PCCB: variants seen among roughly 807,000 people sequenced by gnomAD.
The protein encoded by PCCB is propionyl-CoA carboxylase beta chain, mitochondrial.
A neutral mutation model predicts 60.7 loss-of-function variants in PCCB; 43 were observed. The ratio of observed to expected loss-of-function variants is 0.71; its 90% confidence interval spans 0.55 to 0.91. The LOEUF (loss-of-function observed/expected upper bound fraction) is 0.91. Among genes scored for constraint, PCCB ranks in the 40% least tolerant of loss-of-function variants. PCCB has a pLI of 0.00. For synonymous variants in PCCB, 276 were observed against 255.9 expected, an observed-to-expected ratio of 1.08 and a Z score of -0.75; for missense variants, 766 against 702.8, an observed-to-expected ratio of 1.09 and a Z score of -1.02.
chr3:136,264,302 G>T (rs935371888), intron 5 of PCCB, among the ~76,000 whole-genome samples: 2 of 151,468 alleles, frequency 1.3e-5, no homozygotes, highest in African/African-American at 4.9e-5. Context: ...ATTTAACATC[G>T]ATTCATCGAT....
At chr3:136,323,471 T>C (rs1008393067) in intron 10 of PCCB, among the ~76,000 whole-genome samples, 3 of 152,134 alleles carry the variant, frequency 2.0e-5, no homozygotes, top group African/African-American at 4.8e-5. Flanking sequence ...TGTTTTCCTT[T>C]ACCTCTTTGA....
Position 136,293,789 on chromosome 3 carries a change from G to C in PCCB, c.688G>C (p.Val230Leu). 1.2e-6 allele frequency: 2 copies of C among 1,613,434 alleles called. No individual in the cohort carries two copies. The highest frequency in any genetic ancestry group is 1.7e-6 in the Non-Finnish European group (2 of 1,179,428). The stretch of plus-strand genomic sequence containing the variant: ...CTACCTGTTCATCACTGGCCCTGAT[G>C]TTGTGAAGTCTGTCACCAATGAGGA... ...TSYLFITGPD[V>L]VKSVTNEDVT... The change falls in exon 7 of 15, where the codon GTT becomes CTT. Residue 230 changes from valine to leucine, a missense_variant. Val to Leu is a conservative substitution (Grantham distance 32). Transcript: ENST00000251654.
intron 5 of PCCB, among the ~76,000 whole-genome samples, chr3:136,273,064 T>C (rs1942241786): frequency 6.6e-6 from 1 of 152,226 alleles, no homozygotes; most frequent in South Asian, 2.1e-4. Flanking sequence ...TCTTGATTTA[T>C]TGTTAACCCA....
chr3:136,267,998 G>C (rs1272896145), intron 5 of PCCB, among the ~76,000 whole-genome samples: 1 of 134,724 alleles, frequency 7.4e-6, no homozygotes, highest in Admixed American at 7.8e-5. Context: ...CCAGGATGGA[G>C]TGCAATGGCG....
chr3:136,323,610 C>T (rs1935185509), intron 10 of PCCB, among the ~76,000 whole-genome samples: 1 of 151,996 alleles, frequency 6.6e-6, no homozygotes, highest in Admixed American at 6.6e-5. Flanking sequence ...GTGGTGAAAC[C>T]CTGTCCCTAC....
At chr3:136,273,957 T>G (rs1942275623) in intron 5 of PCCB, among the ~76,000 whole-genome samples, 1 of 150,788 alleles carries the variant, frequency 6.6e-6, no homozygotes, top group Non-Finnish European at 1.5e-5. Flanking sequence ...TTCTGCTTGC[T>G]TTTGGTTCCC....
At chr3:136,283,461 C>T (rs944621314) in intron 5 of PCCB, among the ~76,000 whole-genome samples, 4 of 152,108 alleles carry the variant, frequency 2.6e-5, no homozygotes, top group African/African-American at 9.7e-5. Flanking sequence ...GCTCTGCAAA[C>T]TCTGCATGAG....
intron 1 of PCCB, among the ~76,000 whole-genome samples, 169 bp downstream of exon 1, chr3:136,250,727 A>T (rs1447539250): frequency 6.6e-6 from 1 of 152,238 alleles, no homozygotes; most frequent in African/African-American, 2.4e-5. Context: ...GGAGGCGGGT[A>T]TAACCAGCAG....
At chr3:136,279,275 A>G (rs75479442) in intron 5 of PCCB, among the ~76,000 whole-genome samples, 1,961 of 152,220 alleles carry the variant, frequency 0.013, 45 homozygotes, top group African/African-American at 0.045. Flanking sequence ...AGTTTAATCC[A>G]TTTATACTTA....
chr3:136,260,239 A>C, intron 3 of PCCB: 1 of 560,402 alleles, frequency 1.8e-6, no homozygotes, highest in Non-Finnish European at 3.2e-6. Context: ...ATGCGCAGCT[A>C]ACTTTTTTCT....
intron 10 of PCCB, among the ~76,000 whole-genome samples, chr3:136,321,065 A>G (rs774602919): frequency 9.9e-5 from 15 of 152,118 alleles, no homozygotes; most frequent in African/African-American, 2.7e-4. Context: ...TTTTGTGTCA[A>G]TTGAGATGAT....
chr3:136,284,040 T>TA, intron 6 of PCCB, 93 bp downstream of exon 6: 1 of 813,346 alleles, frequency 1.2e-6, no homozygotes, highest in Non-Finnish European at 2.1e-6. Flanking sequence ...TCTAGGTTGT[T>TA]ACCTGCATTC....
chr3:136,276,823 C>G (rs943825509), intron 5 of PCCB, among the ~76,000 whole-genome samples: 1 of 152,230 alleles, frequency 6.6e-6, no homozygotes, highest in African/African-American at 2.4e-5. Flanking sequence ...GCAATTGTGT[C>G]TCTGCTGAAA....
chr3:136,321,957 A>G (rs74511498), intron 10 of PCCB, among the ~76,000 whole-genome samples: 1,544 of 152,210 alleles, frequency 0.01, 47 homozygotes, highest in East Asian at 0.054. Flanking sequence ...CTTCCTTCTC[A>G]ATGTGTATAC....
intron 6 of PCCB, among the ~76,000 whole-genome samples, chr3:136,286,969 T>C (rs1933440598): frequency 6.6e-6 from 1 of 151,130 alleles, no homozygotes; most frequent in South Asian, 2.1e-4. Flanking sequence ...AGGCGGAGGT[T>C]GCAGTGAACC....
chr3:136,325,344 C>T (rs1372311103), intron 10 of PCCB, among the ~76,000 whole-genome samples: 5 of 151,728 alleles, frequency 3.3e-5, no homozygotes, highest in Non-Finnish European at 7.4e-5. Flanking sequence ...TTGTGACTTG[C>T]CTATTTATTT....
At chr3:136,265,039 C>A (rs1941949192) in intron 5 of PCCB, among the ~76,000 whole-genome samples, 1 of 148,204 alleles carries the variant, frequency 6.7e-6, no homozygotes, top group African/African-American at 2.5e-5. Flanking sequence ...ACTAAAAATA[C>A]AAAAATTAGG....
chr3:136,290,692 A>T (rs1290891868), intron 6 of PCCB, among the ~76,000 whole-genome samples: 660 of 18,042 alleles, frequency 0.037, 1 homozygote, highest in South Asian at 0.11. Flanking sequence ...TTTTTTTGTC[A>T]TTCATCTTGC....
At chr3:136,288,365 A>G (rs929287669) in intron 6 of PCCB, among the ~76,000 whole-genome samples, 2 of 151,356 alleles carry the variant, frequency 1.3e-5, no homozygotes, top group African/African-American at 2.4e-5. Flanking sequence ...TTATTTTTTG[A>G]GACGGAGTCT....
Sources: gnomAD v4.1 joint callset for allele counts (sites outside exome capture counted in the v4.1 genomes callset) on GRCh38, gnomAD v4.1.1 for gene constraint, MANE v1.5 for transcripts, NCBI Gene and HGNC (gene_info 2026-07-23, HGNC 2026-07-21) for gene names.